The following CEP290 variants were observed in gnomAD, a reference collection of about 807,000 sequenced individuals.
CEP290 encodes centrosomal protein of 290 kDa.
Under a neutral mutation model 344.9 loss-of-function variants are expected in CEP290, and 317 were observed. The observed-to-expected ratio is 0.92, with a 90% CI of 0.84 to 1.01. The LOEUF is 1.01. CEP290 is among the 50% of genes least tolerant of loss of function. CEP290 has a pLI of 0.00. For synonymous variants in CEP290, 932 were observed against 895.8 expected (o/e 1.04, Z -0.72); for missense variants, 2,754 against 2,761.4 (o/e 1.00, Z 0.06).
At position 88,142,050 on chromosome 12, in the gene CEP290, G is replaced by C. The variant is rs1482152972; in HGVS notation, c.-178C>G. ...CGAGCAAGCCAAAGCGGCAGCGGCT[G>C]CTAGGCGACACCATCCCCAACTCCG... On this transcript the variant is annotated 5_prime_UTR_variant, in exon 1 of 54. Transcript: ENST00000552810. 2.0e-5 allele frequency: 3 copies of C among 152,562 alleles called. No homozygotes were observed. The highest frequency in any genetic ancestry group is 2.0e-4 in the Admixed American group (3 of 15,296). The allele number at this position is 152,562 out of a possible 1,614,324, so 9.5% of individuals were successfully genotyped here.
At chr12:88,135,837 G>A (rs1055679691) in intron 6 of CEP290, 27 of 151,986 alleles carry the variant, frequency 1.8e-4, no homozygotes, top group Admixed American at 1.6e-3. Flanking sequence ...TAAGGGACAG[G>A]ACAGTTACCA....
chr12:88,121,613 C>CAAA (rs34457278), intron 13 of CEP290, among the ~76,000 whole-genome samples: 27 of 136,976 alleles, frequency 2.0e-4, no homozygotes, highest in Middle Eastern at 3.4e-3. Flanking sequence ...ATGTGAATTT[C>CAAA]AAAAAAAAAA....
At chr12:88,076,006 A>G (rs1222522121) in intron 41 of CEP290, among the ~76,000 whole-genome samples, 2 of 152,210 alleles carry the variant, frequency 1.3e-5, no homozygotes, top group Non-Finnish European at 2.9e-5. Flanking sequence ...AGAAGAGTCC[A>G]GGCAAAGCCA....
rs1425465833 is a variant in CEP290 at position 88,083,160 on chromosome 12, T to A, written c.4883A>T (p.Gln1628Leu). ...KHFIRLAEME[Q>L]TVAEQDDSLS... Reference sequence around the variant, plus strand: ...AGAGTCATCTTGTTCTGCTACTGTCTGTTCCATCTCAGCCAGACGAATAAA... The same window carrying A: ...AGAGTCATCTTGTTCTGCTACTGTCAGTTCCATCTCAGCCAGACGAATAAA... The change falls in exon 37 of 54, where the codon CAG becomes CTG. Residue 1628 changes from glutamine (Q) to leucine (L), a missense_variant. Gln to Leu is a moderately radical substitution (Grantham distance 113). Transcript: ENST00000552810. The A allele has an allele frequency of 6.4e-7, 1 of 1,554,082 alleles. No individual in the cohort carries two copies. Among genetic ancestry groups the A allele is most frequent in the Non-Finnish European group, 8.7e-7 (1 of 1,150,178 alleles).
At chr12:88,109,221 CAATAG>C (rs1364335400) in intron 22 of CEP290, 40 bp from the exon 23 acceptor site, 1 of 661,052 alleles carries the variant, frequency 1.5e-6, no homozygotes. Context: ...AAAAAAAACA[CAATAG>C]AATAAATGCT....
chr12:88,115,694 AATT>A (rs1407139453), intron 18 of CEP290: 6 of 994,826 alleles, frequency 6.0e-6, no homozygotes, highest in Non-Finnish European at 7.7e-6. Flanking sequence ...TTCTAACTAT[AATT>A]GTTACAGAAC....
intron 35 of CEP290, 130 bp downstream of exon 35, chr12:88,084,456 G>A: frequency 1.2e-6 from 1 of 842,720 alleles, no homozygotes; most frequent in Non-Finnish European, 1.8e-6. Flanking sequence ...CCAATCACAT[G>A]CAAGTAACAA....
chr12:88,059,881 A>G lies in CEP290; in HGVS notation c.6645+17T>C. On this transcript the variant is annotated intron_variant, in intron 48 of 53. Transcript: ENST00000552810. ...AAAATAAAAATCAAAAGTTATAATCAGTCATAAAAGTCATACTTTTTTAAG... is the reference window on the plus strand; with the variant it reads ...AAAATAAAAATCAAAAGTTATAATCGGTCATAAAAGTCATACTTTTTTAAG... 6.4e-7 allele frequency: 1 copy of G among 1,555,128 alleles called. No individual in the cohort carries two copies. Among genetic ancestry groups the G allele is most frequent in the African/African-American group, 1.4e-5 (1 of 71,866 alleles).
In CEP290 at chr12:88,060,794, T is replaced by C. The variant is rs1464490682; in HGVS notation, c.6522+36A>G. ...TCCTAAATAGTAACAAAACGTAAAA[T>C]ATTCCCCTAAAAATGATCACATTAA... On this transcript the variant is annotated intron_variant, in intron 47 of 53. Transcript: ENST00000552810. The C allele has an allele frequency of 2.1e-6, 3 of 1,441,534 alleles. No individual in the cohort carries two copies. The African/African-American group carries it at 4.4e-5, about 21-fold the overall frequency. 89.3% of individuals were successfully genotyped at this position (1,441,534 alleles called of 1,614,324 possible).
Position 88,126,333 on chromosome 12 carries a change from C to G in CEP290, c.1048G>C (p.Val350Leu). 1 of 1,489,234 alleles carries G rather than the reference C, an allele frequency of 6.7e-7. No homozygotes were observed. The highest frequency in any genetic ancestry group is 8.9e-7 in the Non-Finnish European group (1 of 1,124,108). The allele number at this position is 1,489,234 out of a possible 1,614,324, so 92.3% of individuals were successfully genotyped here. Residue 350 changes from valine to leucine, a missense_variant, in exon 12 of 54, where the codon GTT becomes CTT. Physicochemically the swap from Val to Leu is conservative, Grantham distance 32 (BLOSUM62 1). Coordinates refer to ENST00000552810, the MANE Select transcript of CEP290 (RefSeq NM_025114.4). ...GATTTTACCTGCTGTAGAGCCATAA[C>G]ATTACTTTTATCAGCATCAAGCTGA... ...NAQLDADKSN[V>L]MALQQGIQER...
chr12:88,083,046 T>C lies in CEP290; in HGVS notation c.4997A>G (p.Glu1666Gly), dbSNP rs566018288. ...GAAGACTTACTGTAATTTGATATTT[T>C]CAAATTCTTTTACTTTTAATTCAGT... ...EITELKVKEF[E>G]NIKLQLQENH... Residue 1666 changes from glutamate (E) to glycine (G), a missense_variant, in exon 37 of 54, where the codon GAA becomes GGA. Glu to Gly is a moderately conservative substitution (Grantham distance 98, BLOSUM62 -2). Transcript: ENST00000552810. The C allele has an allele frequency of 1.3e-6, 2 of 1,500,780 alleles. No homozygotes were observed. The highest frequency in any genetic ancestry group is 2.8e-5 in the African/African-American group (2 of 70,730). The allele number at this position is 1,500,780 out of a possible 1,614,324, so 93.0% of individuals were successfully genotyped here.
In CEP290 at chr12:88,120,126, T is replaced by C. The variant is rs2137900871; in HGVS notation, c.1510A>G (p.Arg504Gly). The C allele has an allele frequency of 1.9e-6, 3 of 1,548,430 alleles. No individual in the cohort carries two copies. The highest frequency in any genetic ancestry group is 2.6e-6 in the Non-Finnish European group (3 of 1,145,768). The change falls in exon 15 of 54, where the codon AGA becomes GGA. Residue 504 changes from arginine (R) to glycine (G), a missense_variant. By Grantham distance (125) the Arg-to-Gly change is moderately radical. Coordinates refer to ENST00000552810, the MANE Select transcript of CEP290 (RefSeq NM_025114.4). Reference sequence around the variant, plus strand: ...AAACATGGCTTACCCACACGCTCTCTAAGTGCCTCATTTTCATCAAGGAAA... The same window carrying C: ...AAACATGGCTTACCCACACGCTCTCCAAGTGCCTCATTTTCATCAAGGAAA... ...SDFLDENEAL[R>G]ERVGLEPKTM...
chr12:88,090,756 G>T lies in CEP290; in HGVS notation c.3545C>A (p.Ser1182Tyr). Reference protein sequence around the residue: ...QQQSRDKEVESLRMQLLDYQA... With the variant: ...QQQSRDKEVEYLRMQLLDYQA... ...ATAGTCTAGCAGTTGCATTCTGAGG[G>T]ACTCTACTTCCTTGTCCCTAGATTG... is the stretch of plus-strand genomic sequence containing the variant. The change falls in exon 30 of 54, where the codon TCC becomes TAC. Residue 1182 changes from serine (S) to tyrosine (Y), a missense_variant. By Grantham distance (144) the Ser-to-Tyr change is moderately radical. Transcript: ENST00000552810. 6.4e-7 allele frequency: 1 copy of T among 1,560,762 alleles called. No homozygotes were observed. Among genetic ancestry groups the T allele is most frequent in the Non-Finnish European group, 8.7e-7 (1 of 1,150,256 alleles).
At position 88,102,881 on chromosome 12, in the gene CEP290, T is replaced by C. The variant is rs2037999321; in HGVS notation, c.2948A>G (p.Asp983Gly). Residue 983 changes from aspartate (D) to glycine (G), a missense_variant, in exon 26 of 54, where the codon GAT becomes GGT. By Grantham distance (94) the Asp-to-Gly change is moderately conservative. Coordinates refer to ENST00000552810, the MANE Select transcript of CEP290 (RefSeq NM_025114.4). ...ACTTGTTCTTTGAACAAGCATATTATCTTTTTGCAAGATGTCCCTGTACTT... is the reference window on the plus strand; with the variant it reads ...ACTTGTTCTTTGAACAAGCATATTACCTTTTTGCAAGATGTCCCTGTACTT... Reference protein sequence around the residue: ...TAKYRDILQKDNMLVQRTSNL... With the variant: ...TAKYRDILQKGNMLVQRTSNL... 2 of 1,611,300 alleles carry C rather than the reference T, an allele frequency of 1.2e-6. No individual in the cohort carries two copies. The highest frequency in any genetic ancestry group is 2.2e-5 in the East Asian group (1 of 44,602).
At chr12:88,114,272 A>G in intron 20 of CEP290, 148 bp downstream of exon 20, 1 of 561,518 alleles carries the variant, frequency 1.8e-6, no homozygotes. Context: ...TATTGAAAGC[A>G]GCTCAAGAAA....
rs1327169453 is a variant in CEP290, at chr12:88,064,044, T to C, written c.6207A>G (p.Ser2069=). Residue 2069 remains serine, a synonymous_variant, in exon 45 of 54, where the codon TCA becomes TCG. Coordinates refer to ENST00000552810, the MANE Select transcript of CEP290 (RefSeq NM_025114.4). ...GAAATTTCAGTTCAATATTTTCAGA[T>C]GACAACTTCAAGTTTTCCTTCTGAA... ...QELQKENLKL[S]SENIELKFQL... is the part of the protein sequence containing the mutation. The C allele has an allele frequency of 6.3e-7, 1 of 1,595,290 alleles. No individual in the cohort carries two copies. The highest frequency in any genetic ancestry group is 8.6e-7 in the Non-Finnish European group (1 of 1,169,196).
At chr12:88,113,628 T>C (rs1381099395) in intron 20 of CEP290, among the ~76,000 whole-genome samples, 1 of 152,108 alleles carries the variant, frequency 6.6e-6, no homozygotes, top group African/African-American at 2.4e-5. Context: ...CTAAATATGT[T>C]CAGATAACAT....
chr12:88,059,470 C>T (rs1000529410), intron 48 of CEP290, among the ~76,000 whole-genome samples: 1 of 151,960 alleles, frequency 6.6e-6, no homozygotes, highest in South Asian at 2.1e-4. Context: ...TGTAGTGGTG[C>T]GATCTCGGCT....
At chr12:88,095,123 T>C (rs1261266612) in intron 27 of CEP290, among the ~76,000 whole-genome samples, 1 of 152,188 alleles carries the variant, frequency 6.6e-6, no homozygotes, top group Non-Finnish European at 1.5e-5. Context: ...TTAGGCACCA[T>C]GTAGAAAAAT....
Sources: gnomAD v4.1 joint callset for allele counts (sites outside exome capture counted in the v4.1 genomes callset) on GRCh38, gnomAD v4.1.1 for gene constraint, MANE v1.5 for transcripts, NCBI Gene and HGNC (gene_info 2026-07-23, HGNC 2026-07-21) for gene names.